ZNRF1: variants seen among roughly 807,000 people sequenced by gnomAD.
ZNRF1 encodes zinc and ring finger 1.
ZNRF1 carries 3 observed loss-of-function variants against 18.4 expected under a neutral mutation model. That is an observed-to-expected ratio of 0.16 (90% CI 0.07 to 0.42). ZNRF1 has a LOEUF of 0.42. ZNRF1 is among the 10% of genes least tolerant of loss of function. The probability of loss-of-function intolerance (pLI) is 0.99; values close to 1 mark genes in which losing one functional copy is unlikely to be tolerated. For synonymous variants in ZNRF1, 157 were observed against 144.2 expected, an observed-to-expected ratio of 1.09 and a Z score of -0.64; for missense variants, 310 against 329.8, an observed-to-expected ratio of 0.94 and a Z score of 0.47.
At chr16:75,049,856 T>TGTGTGTGTGTGTGTGC (rs1207089247) in intron 1 of ZNRF1, among the ~76,000 whole-genome samples, 24 of 151,926 alleles carry the variant, frequency 1.6e-4, no homozygotes, top group African/African-American at 5.1e-4. Flanking sequence ...TGTGTGTGTG[T>TGTGTGTGTGTGTGTGC]GTGTGTGTGT....
At chr16:75,074,173 C>T (rs770235187) in intron 1 of ZNRF1, among the ~76,000 whole-genome samples, 14 of 152,172 alleles carry the variant, frequency 9.2e-5, no homozygotes, top group Non-Finnish European at 1.9e-4. Flanking sequence ...CTCCTGCTGT[C>T]CGTGACCGTT....
intron 1 of ZNRF1, among the ~76,000 whole-genome samples, chr16:75,026,119 C>A (rs1029325419): frequency 2.0e-5 from 3 of 152,172 alleles, no homozygotes; most frequent in Non-Finnish European, 4.4e-5. Context: ...CCTGAATTTT[C>A]CTCCCTCTTC....
At chr16:75,096,813 G>T (rs967595984) in intron 2 of ZNRF1, among the ~76,000 whole-genome samples, 1 of 152,192 alleles carries the variant, frequency 6.6e-6, no homozygotes, top group Non-Finnish European at 1.5e-5. Flanking sequence ...GGCCTGAGTG[G>T]TGGGTTGGAA....
intron 1 of ZNRF1, among the ~76,000 whole-genome samples, chr16:75,051,043 A>G (rs1490880487): frequency 5.9e-5 from 4 of 67,962 alleles, no homozygotes; most frequent in Non-Finnish European, 1.6e-4. Flanking sequence ...AAGAAAAAAA[A>G]AAAAAACAAA....
At position 75,040,047 on chromosome 16, in the gene ZNRF1, T is replaced by C. The variant is rs1358772165; in HGVS notation, c.424+39952T>C. 1.2e-3 allele frequency among the ~76,000 whole-genome samples: 64 copies of C among 52,680 alleles called. 1 individual carries two copies. Among genetic ancestry groups the C allele is most frequent in the South Asian group, 1.4e-3 (1 of 738 alleles). 34.6% of individuals were successfully genotyped at this position (52,680 alleles called of 152,430 possible). On this transcript the variant is annotated intron_variant, in intron 1 of 4. Coordinates refer to ENST00000335325, the MANE Select transcript of ZNRF1 (RefSeq NM_032268.5). Reference sequence around the variant, plus strand: ...TTTGTTTCTTTCTTTTCTTTCTTTTTTTTTTTTTTTTTTTTTTTTTTGAGT... The same window carrying C: ...TTTGTTTCTTTCTTTTCTTTCTTTTCTTTTTTTTTTTTTTTTTTTTTGAGT...
intron 1 of ZNRF1, among the ~76,000 whole-genome samples, chr16:75,081,123 A>C (rs1045864601): frequency 6.6e-6 from 1 of 152,174 alleles, no homozygotes; most frequent in Non-Finnish European, 1.5e-5. Context: ...CAGTGAGCCG[A>C]GATCACGCCA....
rs367574592 is a variant in ZNRF1, at chr16:75,018,631, T to G, written c.424+18536T>G. Among the ~76,000 whole-genome samples, 12 of 152,316 alleles carry G rather than the reference T, an allele frequency of 7.9e-5. No individual in the cohort carries two copies. The East Asian group carries it at 2.1e-3, about 27-fold the overall frequency. The stretch of plus-strand genomic sequence containing the variant: ...ACAGCAATTTTATCAACAGTTTTCC[T>G]TGTATTTATTCAGATGATCATCTGG... On this transcript the variant is annotated intron_variant, in intron 1 of 4. Transcript: ENST00000335325.
At chr16:75,101,138 T>G (rs1344349304) in intron 2 of ZNRF1, among the ~76,000 whole-genome samples, 2 of 152,226 alleles carry the variant, frequency 1.3e-5, no homozygotes, top group Non-Finnish European at 1.5e-5. Context: ...TTCACCATGT[T>G]GGCCAGGCTG....
chr16:75,008,555 T>G (rs1433737354), intron 1 of ZNRF1, among the ~76,000 whole-genome samples: 1 of 152,198 alleles, frequency 6.6e-6, no homozygotes, highest in African/African-American at 2.4e-5. Flanking sequence ...CTGTTTTTCC[T>G]TTTCTCTGAC....
intron 1 of ZNRF1, among the ~76,000 whole-genome samples, chr16:75,037,513 A>AT (rs2035390924): frequency 6.6e-6 from 1 of 151,876 alleles, no homozygotes; most frequent in Non-Finnish European, 1.5e-5. Flanking sequence ...AATTTTTTGT[A>AT]TTTTTAGTAT....
chr16:75,074,154 T>C (rs1242346211), intron 1 of ZNRF1, among the ~76,000 whole-genome samples: 1 of 152,198 alleles, frequency 6.6e-6, no homozygotes, highest in Non-Finnish European at 1.5e-5. Flanking sequence ...ACTGCTAGTC[T>C]GTTCTGCTCT....
At chr16:75,077,766 CT>C (rs2035959623) in intron 1 of ZNRF1, among the ~76,000 whole-genome samples, 1 of 152,182 alleles carries the variant, frequency 6.6e-6, no homozygotes, top group South Asian at 2.1e-4. Flanking sequence ...ATTTCCTTGT[CT>C]TTCCCAGCTC....
chr16:75,034,593 T>C (rs2035353173), intron 1 of ZNRF1, among the ~76,000 whole-genome samples: 1 of 152,198 alleles, frequency 6.6e-6, no homozygotes, highest in Admixed American at 6.6e-5. Context: ...TATACAAACA[T>C]CCTTTAAGAC....
chr16:75,046,956 A>T (rs2035524057), intron 1 of ZNRF1: 1 of 152,978 alleles, frequency 6.5e-6, no homozygotes, highest in Non-Finnish European at 1.5e-5. Flanking sequence ...TGAAATGTTT[A>T]TATTATTTTT....
intron 1 of ZNRF1, among the ~76,000 whole-genome samples, chr16:75,037,045 A>G (rs1057035280): frequency 6.6e-6 from 1 of 152,166 alleles, no homozygotes; most frequent in South Asian, 2.1e-4. Flanking sequence ...CCTCACAACA[A>G]TCCCAAGAGG....
At chr16:75,102,023 C>T (rs1426739508) in intron 2 of ZNRF1, among the ~76,000 whole-genome samples, 1 of 152,172 alleles carries the variant, frequency 6.6e-6, no homozygotes, top group Non-Finnish European at 1.5e-5. Flanking sequence ...AAAATGACCA[C>T]AAGTTGTCCT....
intron 1 of ZNRF1, among the ~76,000 whole-genome samples, chr16:75,053,774 A>C (rs1358462321): frequency 6.6e-6 from 1 of 152,124 alleles, no homozygotes. Flanking sequence ...ATGTCTTTTC[A>C]GTTTGTACTT....
At chr16:75,019,591 G>A (rs2035117626) in intron 1 of ZNRF1, among the ~76,000 whole-genome samples, 1 of 152,060 alleles carries the variant, frequency 6.6e-6, no homozygotes, top group African/African-American at 2.4e-5. Flanking sequence ...TGGGTGAGGG[G>A]GTTGGGGAAC....
At chr16:75,098,466 G>C (rs2036223535) in intron 2 of ZNRF1, among the ~76,000 whole-genome samples, 1 of 152,216 alleles carries the variant, frequency 6.6e-6, no homozygotes, top group Non-Finnish European at 1.5e-5. Flanking sequence ...GGCCGCTGCT[G>C]GTAGGCTACA....
Sources: gnomAD v4.1 joint callset for allele counts (sites outside exome capture counted in the v4.1 genomes callset) on GRCh38, gnomAD v4.1.1 for gene constraint, MANE v1.5 for transcripts, NCBI Gene and HGNC (gene_info 2026-07-23, HGNC 2026-07-21) for gene names.